PCP4: variants seen among roughly 807,000 people sequenced by gnomAD.
PCP4 encodes calmodulin regulator protein PCP4.
Under a neutral mutation model 10.0 loss-of-function variants are expected in PCP4, and 8 were observed. The observed-to-expected ratio is 0.80, with a 90% CI of 0.47 to 1.45. The LOEUF (loss-of-function observed/expected upper bound fraction) is 1.45. PCP4 is among the 40% of genes most tolerant of loss of function. The pLI is 0.00. For synonymous variants in PCP4, 21 were observed against 23.0 expected (o/e 0.91, Z 0.24); for missense variants, 54 against 74.4 (o/e 0.73, Z 1.01).
chr21:39,917,760 G>A (rs1048933166), intron 2 of PCP4, among the ~76,000 whole-genome samples: 2 of 152,116 alleles, frequency 1.3e-5, no homozygotes, highest in African/African-American at 4.8e-5. Context: ...TTTGGCTAGT[G>A]GTTCTGGGTT....
chr21:39,880,013 C>A (rs967599657), intron 1 of PCP4, among the ~76,000 whole-genome samples: 9 of 152,164 alleles, frequency 5.9e-5, no homozygotes, highest in Non-Finnish European at 1.3e-4. Context: ...AGAAGCATCC[C>A]AATTGCTTTT....
intron 2 of PCP4, among the ~76,000 whole-genome samples, chr21:39,925,895 C>T (rs2087618749): frequency 6.6e-6 from 1 of 152,164 alleles, no homozygotes; most frequent in Non-Finnish European, 1.5e-5. Flanking sequence ...GGGTGCCTGG[C>T]TGTGGTCCCT....
At position 39,892,088 on chromosome 21, in the gene PCP4, G is replaced by A. The variant is rs2087435192; in HGVS notation, c.10-6388G>A. The stretch of plus-strand genomic sequence containing the variant: ...GAGACTCCCTTTTGCGGTCTGCTAA[G>A]TAACAGGTGCCTTCCCAGACACTGG... On this transcript the variant is annotated intron_variant, in intron 1 of 2. Coordinates refer to ENST00000328619, the MANE Select transcript of PCP4 (RefSeq NM_006198.3). Among the ~76,000 whole-genome samples, 4 of 152,310 alleles carry A rather than the reference G, an allele frequency of 2.6e-5. No homozygotes were observed. In the South Asian group the frequency reaches 8.3e-4, roughly 32 times the overall value.
intron 1 of PCP4, among the ~76,000 whole-genome samples, chr21:39,882,333 T>C (rs1287295693): frequency 6.6e-6 from 1 of 152,212 alleles, no homozygotes; most frequent in Non-Finnish European, 1.5e-5. Context: ...GATGGATGAC[T>C]GCTTAGGGAC....
intron 2 of PCP4, among the ~76,000 whole-genome samples, chr21:39,902,323 C>G (rs1181436682): frequency 1.3e-5 from 2 of 152,140 alleles, no homozygotes; most frequent in Non-Finnish European, 2.9e-5. Flanking sequence ...GTTGAGGTCT[C>G]CATTTAATGT....
chr21:39,896,291 G>A (rs535316265), intron 1 of PCP4, among the ~76,000 whole-genome samples: 2 of 152,226 alleles, frequency 1.3e-5, no homozygotes, highest in Admixed American at 1.3e-4. Context: ...CTTTTATTCC[G>A]TGAAATTTTC....
intron 1 of PCP4, among the ~76,000 whole-genome samples, chr21:39,897,010 A>G (rs1296368602): frequency 6.6e-6 from 1 of 152,102 alleles, no homozygotes; most frequent in East Asian, 1.9e-4. Context: ...AAGGAAGTCC[A>G]GGCTCCAGTC....
intron 2 of PCP4, among the ~76,000 whole-genome samples, chr21:39,926,844 G>A (rs1311520432): frequency 6.6e-6 from 1 of 152,198 alleles, no homozygotes; most frequent in Non-Finnish European, 1.5e-5. Flanking sequence ...CCCTGGCAAT[G>A]TAGAAGACAA....
chr21:39,920,231 G>A (rs2087589685), intron 2 of PCP4, among the ~76,000 whole-genome samples: 2 of 145,374 alleles, frequency 1.4e-5, no homozygotes, highest in Middle Eastern at 3.8e-3. Context: ...TGTGGGTGTG[G>A]TGTGTTTGTG....
chr21:39,911,853 A>G (rs1395779813), intron 2 of PCP4, among the ~76,000 whole-genome samples: 1 of 152,262 alleles, frequency 6.6e-6, no homozygotes, highest in East Asian at 1.9e-4. Context: ...AGACAAGATG[A>G]GCTACCTGCA....
chr21:39,895,547 G>A (rs1177825724), intron 1 of PCP4, among the ~76,000 whole-genome samples: 1 of 152,262 alleles, frequency 6.6e-6, no homozygotes, highest in Admixed American at 6.5e-5. Context: ...AAGGGCTCCA[G>A]AGCCAGCTTC....
chr21:39,929,284 A>G lies in PCP4; in HGVS notation c.*173A>G. ...GATATTTATACCCTTGTAGGAAGGT[A>G]TAGACAATGGAATTGTGAGTAGCTT... On this transcript the variant is annotated 3_prime_UTR_variant, in exon 3 of 3. Transcript: ENST00000328619. The G allele has an allele frequency of 2.1e-6, 1 of 479,968 alleles. No individual in the cohort carries two copies. Among genetic ancestry groups the G allele is most frequent in the South Asian group, 4.8e-5 (1 of 20,886 alleles). The allele number at this position is 479,968 out of a possible 1,614,324, so 29.7% of individuals were successfully genotyped here.
chr21:39,892,765 C>T lies in PCP4; in HGVS notation c.10-5711C>T, dbSNP rs575706058. On this transcript the variant is annotated intron_variant, in intron 1 of 2. Transcript: ENST00000328619. ...AAAGTGTACAGTTATTATTGACTATCGTCACCCTGTTGTGCTATCAAATAG... is the reference window on the plus strand; with the variant it reads ...AAAGTGTACAGTTATTATTGACTATTGTCACCCTGTTGTGCTATCAAATAG... 1.4e-4 allele frequency among the ~76,000 whole-genome samples: 22 copies of T among 152,196 alleles called. No homozygotes were observed. The South Asian group carries it at 3.7e-3, about 26-fold the overall frequency.
chr21:39,879,252 G>T (rs1054598982), intron 1 of PCP4, among the ~76,000 whole-genome samples: 12 of 152,096 alleles, frequency 7.9e-5, no homozygotes, highest in African/African-American at 2.7e-4. Flanking sequence ...GCCTCCCAAA[G>T]AGCTGGGATT....
In PCP4 at chr21:39,884,289, C is replaced by T. The variant is rs567739218; in HGVS notation, c.10-14187C>T. On this transcript the variant is annotated intron_variant, in intron 1 of 2. Transcript: ENST00000328619. ...CCGCCTCCCAGGTTCAAGCAATTCT[C>T]GTGCCTCAACCTCCCAAGTAGCTGG... Among the ~76,000 whole-genome samples, 266 of 151,692 alleles carry T rather than the reference C, an allele frequency of 1.8e-3. 1 individual carries two copies. The highest frequency in any genetic ancestry group is 3.2e-3 in the Non-Finnish European group (219 of 67,928).
intron 1 of PCP4, among the ~76,000 whole-genome samples, chr21:39,889,128 C>A (rs2087415952): frequency 1.3e-5 from 2 of 152,156 alleles, no homozygotes. Context: ...CCCTTGTCCC[C>A]TGTGGATCTG....
chr21:39,912,687 C>T (rs1348871426), intron 2 of PCP4, among the ~76,000 whole-genome samples: 4 of 151,980 alleles, frequency 2.6e-5, no homozygotes, highest in Non-Finnish European at 5.9e-5. Flanking sequence ...GGTGTCAGAA[C>T]GTTATTATTT....
chr21:39,898,269 G>C, intron 1 of PCP4: 2 of 617,530 alleles, frequency 3.2e-6, no homozygotes, highest in Non-Finnish European at 5.9e-6. Flanking sequence ...AGTGGATGTG[G>C]ATGAGGGGGC....
intron 1 of PCP4, among the ~76,000 whole-genome samples, chr21:39,898,046 A>C (rs1029521555): frequency 3.4e-4 from 16 of 47,446 alleles, no homozygotes; most frequent in African/African-American, 2.0e-3. Context: ...ACTCAGTCTC[A>C]AAAAAAAAAA....
Sources: gnomAD v4.1 joint callset for allele counts (sites outside exome capture counted in the v4.1 genomes callset) on GRCh38, gnomAD v4.1.1 for gene constraint, MANE v1.5 for transcripts, NCBI Gene and HGNC (gene_info 2026-07-23, HGNC 2026-07-21) for gene names.